NARS2: variants seen among roughly 807,000 people sequenced by gnomAD.
NARS2 encodes the protein asparaginyl-tRNA synthetase.
In NARS2, 60 loss-of-function variants were observed where a neutral mutation model predicts 62.9. That is an observed-to-expected ratio of 0.95 (90% CI 0.77 to 1.18). The LOEUF (loss-of-function observed/expected upper bound fraction) is 1.18, where lower values mean the gene tolerates loss of function less well. NARS2 is among the 50% of genes most tolerant of loss of function. The pLI is 0.00. For missense variants in NARS2, 619 were observed against 576.4 expected, an observed-to-expected ratio of 1.07 and a Z score of -0.76; for synonymous variants, 196 against 200.0, an observed-to-expected ratio of 0.98 and a Z score of 0.17.
intron 5 of NARS2, among the ~76,000 whole-genome samples, chr11:78,537,766 G>A (rs2135451349): frequency 6.6e-6 from 1 of 152,316 alleles, no homozygotes; most frequent in South Asian, 2.1e-4. Flanking sequence ...CCACTGCACT[G>A]CAGCCTTGGC....
intron 6 of NARS2, among the ~76,000 whole-genome samples, chr11:78,503,380 G>A (rs1860359491): frequency 6.6e-6 from 1 of 152,130 alleles, no homozygotes; most frequent in Non-Finnish European, 1.5e-5. Flanking sequence ...AGGGACTACA[G>A]GCGCGTGCCA....
chr11:78,500,930 A>G (rs1483500117), intron 6 of NARS2, among the ~76,000 whole-genome samples: 2 of 152,094 alleles, frequency 1.3e-5, no homozygotes, highest in East Asian at 3.9e-4. Context: ...CGTCTCTACA[A>G]AAAATACAAA....
intron 3 of NARS2, among the ~76,000 whole-genome samples, chr11:78,566,918 G>C (rs942362681): frequency 6.6e-6 from 1 of 152,006 alleles, no homozygotes; most frequent in Non-Finnish European, 1.5e-5. Flanking sequence ...AGATAACAGA[G>C]AAGCTAAAAA....
intron 5 of NARS2, among the ~76,000 whole-genome samples, chr11:78,555,543 T>A (rs1856319912): frequency 6.6e-6 from 1 of 152,166 alleles, no homozygotes. Context: ...TAACATTCCC[T>A]TTGTCATTTC....
At chr11:78,554,147 T>G (rs533223505) in intron 5 of NARS2, among the ~76,000 whole-genome samples, 1 of 152,316 alleles carries the variant, frequency 6.6e-6, no homozygotes, top group South Asian at 2.1e-4. Flanking sequence ...TGGAGCCTTG[T>G]AGTATAGTTG....
intron 11 of NARS2, among the ~76,000 whole-genome samples, chr11:78,446,537 A>G (rs766653146): frequency 2.0e-5 from 3 of 152,176 alleles, no homozygotes; most frequent in Non-Finnish European, 2.9e-5. Context: ...TCTTACCTTC[A>G]ATCCAGAGTG....
At chr11:78,465,139 C>T (rs1858566292) in intron 11 of NARS2, among the ~76,000 whole-genome samples, 1 of 152,210 alleles carries the variant, frequency 6.6e-6, no homozygotes, top group Admixed American at 6.5e-5. Context: ...TAAGGCCTGG[C>T]AGGAAATTGA....
intron 6 of NARS2, among the ~76,000 whole-genome samples, chr11:78,512,698 T>C (rs1202581283): frequency 6.6e-6 from 1 of 152,242 alleles, no homozygotes; most frequent in Non-Finnish European, 1.5e-5. Context: ...AACATTATCT[T>C]AGTAGCTACT....
At chr11:78,525,945 A>C (rs1413231418) in intron 6 of NARS2, among the ~76,000 whole-genome samples, 1 of 152,180 alleles carries the variant, frequency 6.6e-6, no homozygotes, top group Non-Finnish European at 1.5e-5. Flanking sequence ...CACCCAGATT[A>C]GAGTACATTC....
chr11:78,539,614 T>C (rs1274537537), intron 5 of NARS2, among the ~76,000 whole-genome samples: 2 of 152,190 alleles, frequency 1.3e-5, no homozygotes, highest in Non-Finnish European at 2.9e-5. Context: ...GATAAACAGT[T>C]TGGCAGTCAG....
At chr11:78,501,053 C>T (rs1346214228) in intron 6 of NARS2, among the ~76,000 whole-genome samples, 1 of 152,188 alleles carries the variant, frequency 6.6e-6, no homozygotes, top group African/African-American at 2.4e-5. Context: ...GATAATGTGA[C>T]TGTGCTCCAG....
At chr11:78,514,215 T>C (rs7944485) in intron 6 of NARS2, among the ~76,000 whole-genome samples, 112,418 of 152,064 alleles carry the variant, frequency 0.74, 42,184 homozygotes, top group Non-Finnish European at 0.82. Flanking sequence ...CTCGACCTCC[T>C]GGACTCAATA....
At chr11:78,562,854 T>C (rs566120232) in intron 4 of NARS2, among the ~76,000 whole-genome samples, 32 of 152,268 alleles carry the variant, frequency 2.1e-4, no homozygotes, top group South Asian at 2.1e-4. Flanking sequence ...TTTCCATTTT[T>C]CCCCCACATT....
intron 12 of NARS2, among the ~76,000 whole-genome samples, chr11:78,441,440 A>G (rs1256162474): frequency 2.0e-5 from 3 of 152,154 alleles, no homozygotes; most frequent in Non-Finnish European, 4.4e-5. Flanking sequence ...GGCAGGGTGC[A>G]GCGGCTCCTG....
intron 7 of NARS2, among the ~76,000 whole-genome samples, chr11:78,492,358 C>T (rs1262266108): frequency 6.6e-6 from 1 of 152,180 alleles, no homozygotes; most frequent in Non-Finnish European, 1.5e-5. Flanking sequence ...AACAAGGCCT[C>T]TCTACTTTTA....
rs1857039132 is a variant in NARS2 at position 78,574,337 on chromosome 11, C to A, written c.141+11G>T. 6.2e-7 allele frequency: 1 copy of A among 1,614,124 alleles called. No individual in the cohort carries two copies. Among genetic ancestry groups the A allele is most frequent in the Admixed American group, 1.7e-5 (1 of 60,010 alleles). On this transcript the variant is annotated intron_variant, in intron 1 of 13. Coordinates refer to ENST00000281038, the MANE Select transcript of NARS2 (RefSeq NM_024678.6). ...TACAAGAAAAAACCCACTCCCTTCC[C>A]ATTCACCAACCTGGATCTTAATGCG...
At chr11:78,489,525 A>C (rs1374750769) in intron 7 of NARS2, among the ~76,000 whole-genome samples, 1 of 152,220 alleles carries the variant, frequency 6.6e-6, no homozygotes, top group African/African-American at 2.4e-5. Flanking sequence ...TTTGGAAAAC[A>C]GATTTCTTCC....
chr11:78,515,110 T>C (rs1027196772), intron 6 of NARS2, among the ~76,000 whole-genome samples: 4 of 152,138 alleles, frequency 2.6e-5, no homozygotes, highest in Admixed American at 2.6e-4. Flanking sequence ...GAATATGAAG[T>C]ATGCTGCAGC....
In NARS2 at chr11:78,461,860, G is replaced by A. The variant is rs549215303; in HGVS notation, c.1164+4016C>T. On this transcript the variant is annotated intron_variant, in intron 11 of 13. Coordinates refer to ENST00000281038, the MANE Select transcript of NARS2 (RefSeq NM_024678.6). ...CCCAGCTACTCGGGAGGCTGAGGCAGGAGAATTGCTTGAACCCGGGAGACA... is the reference window on the plus strand; with the variant it reads ...CCCAGCTACTCGGGAGGCTGAGGCAAGAGAATTGCTTGAACCCGGGAGACA... Among the ~76,000 whole-genome samples the A allele has an allele frequency of 9.8e-4, 149 of 151,936 alleles. 3 individuals carry two copies. Among genetic ancestry groups the A allele is most frequent in the Admixed American group, 9.3e-3 (142 of 15,250 alleles).
Sources: gnomAD v4.1 joint callset for allele counts (sites outside exome capture counted in the v4.1 genomes callset) on GRCh38, gnomAD v4.1.1 for gene constraint, MANE v1.5 for transcripts, NCBI Gene and HGNC (gene_info 2026-07-23, HGNC 2026-07-21) for gene names.